The following FMN1 variants were observed in gnomAD, a reference collection of about 807,000 sequenced individuals.
The protein encoded by FMN1 is formin 1.
Under a neutral mutation model 132.4 loss-of-function variants are expected in FMN1, and 110 were observed. The ratio of observed to expected loss-of-function variants is 0.83; its 90% CI spans 0.71 to 0.97. The LOEUF is 0.97. Ranked by LOEUF, FMN1 falls within the 50% of genes least tolerant of loss-of-function variation. The probability of loss-of-function intolerance (pLI) is 0.00; values close to 1 mark genes in which losing one functional copy is unlikely to be tolerated. For missense variants in FMN1, 1,792 were observed against 1,705.3 expected, an observed-to-expected ratio of 1.05 and a Z score of -0.90; for synonymous variants, 722 against 651.7, an observed-to-expected ratio of 1.11 and a Z score of -1.64.
intron 5 of FMN1, among the ~76,000 whole-genome samples, chr15:33,074,884 G>A (rs1160721565): frequency 6.6e-6 from 1 of 151,760 alleles, no homozygotes; most frequent in Non-Finnish European, 1.5e-5. Context: ...CAGGCGTGGT[G>A]GTGGTGTGCG....
At chr15:32,952,942 A>G (rs1016587875) in intron 9 of FMN1, among the ~76,000 whole-genome samples, 1 of 152,118 alleles carries the variant, frequency 6.6e-6, no homozygotes, top group Non-Finnish European at 1.5e-5. Flanking sequence ...GTCCGTGTCA[A>G]ATTAGCTTTT....
chr15:33,072,092 A>G (rs1238415037), intron 5 of FMN1, among the ~76,000 whole-genome samples: 1 of 152,138 alleles, frequency 6.6e-6, no homozygotes, highest in Non-Finnish European at 1.5e-5. Context: ...ACAAACAAAA[A>G]AACAACCTTA....
intron 4 of FMN1, among the ~76,000 whole-genome samples, chr15:33,128,274 G>A (rs920360864): frequency 9.2e-5 from 14 of 152,104 alleles, no homozygotes; most frequent in African/African-American, 2.4e-4. Context: ...AATTAGAAGC[G>A]CAACAGTTGG....
At chr15:32,915,335 C>T (rs138790072) in intron 10 of FMN1, among the ~76,000 whole-genome samples, 78 of 152,260 alleles carry the variant, frequency 5.1e-4, no homozygotes, top group Middle Eastern at 3.4e-3. Context: ...GAATGCTCTC[C>T]GATTAAGTCA....
chr15:33,095,221 G>A (rs2039036940), intron 4 of FMN1, among the ~76,000 whole-genome samples: 1 of 152,026 alleles, frequency 6.6e-6, no homozygotes, highest in African/African-American at 2.4e-5. Context: ...GGTGGGTGGT[G>A]CCTGTAATCC....
intron 7 of FMN1, among the ~76,000 whole-genome samples, chr15:32,998,920 G>C (rs765095914): frequency 1.3e-5 from 2 of 152,142 alleles, no homozygotes; most frequent in Non-Finnish European, 2.9e-5. Flanking sequence ...CTGAGACAAA[G>C]GGCTCCTTTT....
intron 4 of FMN1, among the ~76,000 whole-genome samples, chr15:33,089,206 A>C (rs539902276): frequency 3.3e-4 from 50 of 152,214 alleles, no homozygotes; most frequent in African/African-American, 1.1e-3. Context: ...TATTGGCTGT[A>C]CTCTATGCCC....
chr15:33,067,155 G>C, intron 5 of FMN1: 1 of 1,613,948 alleles, frequency 6.2e-7, no homozygotes, highest in African/African-American at 1.3e-5. Context: ...GTTACTGCAG[G>C]TAGGTCTTGG....
chr15:33,113,771 AG>A (rs1020210620), intron 4 of FMN1, among the ~76,000 whole-genome samples: 3 of 152,156 alleles, frequency 2.0e-5, no homozygotes, highest in Admixed American at 1.3e-4. Context: ...TGGCCACGTC[AG>A]TTCTTTCATC....
At chr15:33,064,849 A>C (rs2037645517) in intron 6 of FMN1, 108 bp downstream of exon 6, 14 of 746,754 alleles carry the variant, frequency 1.9e-5, no homozygotes, top group Non-Finnish European at 3.1e-5. Context: ...TCAGCATTAC[A>C]TTTTATAATG....
chr15:32,923,989 T>C (rs948117507), intron 10 of FMN1, among the ~76,000 whole-genome samples: 2 of 152,332 alleles, frequency 1.3e-5, no homozygotes, highest in Middle Eastern at 3.4e-3. Context: ...GAAGAATCCC[T>C]AACTTCAATA....
intron 17 of FMN1, among the ~76,000 whole-genome samples, chr15:32,816,387 T>C (rs1367004203): frequency 6.6e-6 from 1 of 152,234 alleles, no homozygotes; most frequent in Non-Finnish European, 1.5e-5. Context: ...TATCAAAATA[T>C]TGAATCCATA....
chr15:32,871,360 T>C (rs751697550), intron 16 of FMN1, among the ~76,000 whole-genome samples: 1 of 152,172 alleles, frequency 6.6e-6, no homozygotes, highest in African/African-American at 2.4e-5. Flanking sequence ...TTACTTATAT[T>C]TGATAAAGAA....
At chr15:32,992,682 T>C (rs993619440) in intron 7 of FMN1, among the ~76,000 whole-genome samples, 24 of 152,218 alleles carry the variant, frequency 1.6e-4, no homozygotes, top group Non-Finnish European at 3.1e-4. Flanking sequence ...CTAATCATTT[T>C]CCTGTGTGTA....
At chr15:33,058,433 A>AC (rs2037333810) in intron 6 of FMN1, among the ~76,000 whole-genome samples, 1 of 152,164 alleles carries the variant, frequency 6.6e-6, no homozygotes, top group South Asian at 2.1e-4. Context: ...TTGCTCATGT[A>AC]CCTCCCAAAA....
chr15:33,106,982 G>A (rs536338459), intron 4 of FMN1, among the ~76,000 whole-genome samples: 1 of 151,946 alleles, frequency 6.6e-6, no homozygotes, highest in Non-Finnish European at 1.5e-5. Context: ...ATAAGCTCTC[G>A]CCCTATCTCA....
intron 16 of FMN1, among the ~76,000 whole-genome samples, chr15:32,876,312 G>A (rs2059636339): frequency 6.6e-6 from 1 of 152,164 alleles, no homozygotes; most frequent in Non-Finnish European, 1.5e-5. Flanking sequence ...AATGAAAGAA[G>A]CTAAAATATT....
intron 5 of FMN1, among the ~76,000 whole-genome samples, chr15:33,080,072 A>G (rs749735798): frequency 2.0e-5 from 3 of 150,812 alleles, no homozygotes; most frequent in Non-Finnish European, 4.5e-5. Flanking sequence ...AGCTACTCTG[A>G]TATTTCTAAA....
At chr15:33,075,339 C>G (rs1414211508) in intron 5 of FMN1, among the ~76,000 whole-genome samples, 2 of 152,148 alleles carry the variant, frequency 1.3e-5, no homozygotes, top group African/African-American at 4.8e-5. Context: ...CAAGTATTTA[C>G]TGATGAACTA....
Sources: allele counts gnomAD v4.1 joint callset (sites outside exome capture counted in the v4.1 genomes callset), GRCh38; gene constraint gnomAD v4.1.1; transcripts MANE v1.5; gene names NCBI Gene and HGNC (gene_info 2026-07-23, HGNC 2026-07-21).